GRB2: variants seen among roughly 807,000 people sequenced by gnomAD.
The protein encoded by GRB2 is growth factor receptor bound protein 2, also known as growth factor receptor-bound protein 2.
A neutral mutation model predicts 27.4 loss-of-function variants in GRB2; 2 were observed. The ratio of observed to expected loss-of-function variants is 0.07; its 90% confidence interval spans 0.03 to 0.23. The LOEUF (loss-of-function observed/expected upper bound fraction) is 0.23, where lower values mean the gene tolerates loss of function less well. GRB2 is among the 10% of genes least tolerant of loss of function. The pLI, the probability that GRB2 is intolerant of heterozygous loss-of-function variation, is 1.00. For missense variants in GRB2, 102 were observed against 282.4 expected (o/e 0.36, Z 4.58); for synonymous variants, 94 against 99.6 (o/e 0.94, Z 0.33).
At chr17:75,378,235 C>T (rs545149466) in intron 2 of GRB2, among the ~76,000 whole-genome samples, 7 of 152,136 alleles carry the variant, frequency 4.6e-5, no homozygotes, top group Admixed American at 1.3e-4. Context: ...ACTAAAAATA[C>T]AAAAATGAGC....
At chr17:75,356,451 T>G (rs1313762152) in intron 2 of GRB2, among the ~76,000 whole-genome samples, 9 of 152,110 alleles carry the variant, frequency 5.9e-5, no homozygotes, top group Non-Finnish European at 7.4e-5. Context: ...GAGGCTGCAA[T>G]GAGCCATGAT....
At chr17:75,376,276 C>T (rs972407675) in intron 2 of GRB2, among the ~76,000 whole-genome samples, 4 of 141,134 alleles carry the variant, frequency 2.8e-5, no homozygotes, top group Admixed American at 7.9e-5. Flanking sequence ...ACCTGGGAGG[C>T]AGACGTTGCA....
chr17:75,372,815 A>G (rs2078864595), intron 2 of GRB2: 1 of 152,242 alleles, frequency 6.6e-6, no homozygotes, highest in South Asian at 2.1e-4. Context: ...TGGAAGACAA[A>G]TACTTTGTGG....
At chr17:75,354,172 G>A (rs2078713460) in intron 2 of GRB2, among the ~76,000 whole-genome samples, 1 of 149,820 alleles carries the variant, frequency 6.7e-6, no homozygotes, top group Non-Finnish European at 1.5e-5. Context: ...AGAATCCTGG[G>A]CTGAACAGCA....
At chr17:75,389,507 G>A (rs2145869745) in intron 2 of GRB2, among the ~76,000 whole-genome samples, 1 of 152,234 alleles carries the variant, frequency 6.6e-6, no homozygotes, top group East Asian at 1.9e-4. Flanking sequence ...ACCTATATGG[G>A]CCACCATTTC....
chr17:75,347,588 C>T (rs1023978766), intron 2 of GRB2, among the ~76,000 whole-genome samples: 20 of 152,136 alleles, frequency 1.3e-4, no homozygotes, highest in African/African-American at 3.4e-4. Flanking sequence ...AGCTGTTCAC[C>T]GCTCAATAAA....
chr17:75,342,725 A>G (rs952132941), intron 2 of GRB2, among the ~76,000 whole-genome samples: 2 of 152,168 alleles, frequency 1.3e-5, no homozygotes, highest in Non-Finnish European at 2.9e-5. Context: ...GGCCATGTGG[A>G]GTACCTTTCC....
At chr17:75,397,200 G>C (rs2079034134) in intron 1 of GRB2, among the ~76,000 whole-genome samples, 1 of 152,044 alleles carries the variant, frequency 6.6e-6, no homozygotes, top group Non-Finnish European at 1.5e-5. Context: ...CCACCCAAAA[G>C]AGCATATTCG....
intron 1 of GRB2, chr17:75,404,997 C>G (rs1195353932): frequency 6.6e-6 from 1 of 152,100 alleles, no homozygotes; most frequent in Non-Finnish European, 1.5e-5. Flanking sequence ...GGTATCTCCC[C>G]CGGCTCCAGC....
At chr17:75,324,727 G>C (rs2078487403) in intron 4 of GRB2, among the ~76,000 whole-genome samples, 1 of 151,746 alleles carries the variant, frequency 6.6e-6, no homozygotes, top group Non-Finnish European at 1.5e-5. Context: ...ATGTTGGCCA[G>C]GCTGGTCAGT....
chr17:75,342,784 C>A (rs766001747), intron 2 of GRB2, among the ~76,000 whole-genome samples: 1 of 152,084 alleles, frequency 6.6e-6, no homozygotes, highest in Non-Finnish European at 1.5e-5. Flanking sequence ...CAGTGGCTCA[C>A]GCCTGTAAAA....
At chr17:75,335,579 A>C (rs1803510074) in intron 2 of GRB2, among the ~76,000 whole-genome samples, 1 of 152,204 alleles carries the variant, frequency 6.6e-6, no homozygotes, top group Admixed American at 6.5e-5. Context: ...TGCCCTGCAG[A>C]GCTTTGCAAT....
At chr17:75,348,895 C>T (rs755707164) in intron 2 of GRB2, among the ~76,000 whole-genome samples, 28 of 152,068 alleles carry the variant, frequency 1.8e-4, no homozygotes, top group African/African-American at 2.2e-4. Flanking sequence ...AGGCTGGTTT[C>T]GAACTCCTGA....
At chr17:75,367,974 C>T (rs547361839) in intron 2 of GRB2, among the ~76,000 whole-genome samples, 127 of 152,128 alleles carry the variant, frequency 8.3e-4, no homozygotes, top group African/African-American at 2.9e-3. Context: ...CCCCTGCCTC[C>T]CAAGTTCAAG....
At chr17:75,358,723 A>AAAC (rs2078753460) in intron 2 of GRB2, among the ~76,000 whole-genome samples, 1 of 146,694 alleles carries the variant, frequency 6.8e-6, no homozygotes, top group African/African-American at 2.5e-5. Context: ...AAAAAAAAAA[A>AAAC]AAACAAAAAA....
intron 2 of GRB2, among the ~76,000 whole-genome samples, chr17:75,340,659 T>C (rs763672321): frequency 1.3e-4 from 20 of 152,186 alleles, no homozygotes; most frequent in African/African-American, 2.4e-5. Context: ...TAGAAGCTAT[T>C]AGAATGTTCT....
intron 1 of GRB2, among the ~76,000 whole-genome samples, chr17:75,397,948 T>C (rs1013464059): frequency 3.3e-5 from 5 of 150,578 alleles, no homozygotes; most frequent in Non-Finnish European, 7.4e-5. Flanking sequence ...ATCAAGCAAT[T>C]CTCCTGCCTC....
At position 75,358,700 on chromosome 17, in the gene GRB2, T is replaced by TAA. The variant is rs71159497; in HGVS notation, c.79-25905_79-25904dup. Among the ~76,000 whole-genome samples, 67 of 66,296 alleles carry TAA rather than the reference T, an allele frequency of 1.0e-3. 3 individuals are homozygous for TAA. Among genetic ancestry groups the TAA allele is most frequent in the African/African-American group, 2.4e-3 (54 of 22,334 alleles). The allele number at this position is 66,296 out of a possible 152,430, so 43.5% of individuals were successfully genotyped here. ...CAACATGGCGAAATCCCATCTCTAC[T>TAA]AAAAAAAAAAAAAAAAAAAAAAAAA... On this transcript the variant is annotated intron_variant, in intron 2 of 5. Transcript: ENST00000316804.
intron 2 of GRB2, chr17:75,387,873 A>G (rs1225354582): frequency 6.6e-6 from 1 of 152,138 alleles, no homozygotes; most frequent in African/African-American, 2.4e-5. Context: ...GGTGAAACTG[A>G]AAGATTCTGA....
Sources: allele counts gnomAD v4.1 joint callset (sites outside exome capture counted in the v4.1 genomes callset), GRCh38; gene constraint gnomAD v4.1.1; transcripts MANE v1.5; gene names NCBI Gene and HGNC (gene_info 2026-07-23, HGNC 2026-07-21).